CTNNA3: variants seen among roughly 807,000 people sequenced by gnomAD.
The protein encoded by CTNNA3 is catenin alpha-3.
CTNNA3 carries 76 observed loss-of-function variants against 95.7 expected under a neutral mutation model. The observed-to-expected ratio is 0.79, with a 90% CI of 0.66 to 0.96. CTNNA3 has a LOEUF of 0.96. Ranked by LOEUF, CTNNA3 falls within the 40% of genes least tolerant of loss-of-function variation. The probability of loss-of-function intolerance (pLI) is 0.00; values close to 1 mark genes in which losing one functional copy is unlikely to be tolerated. For synonymous variants in CTNNA3, 431 were observed against 374.4 expected (o/e 1.15, Z -1.74); for missense variants, 1,191 against 1,089.8 (o/e 1.09, Z -1.31).
chr10:66,510,898 G>A (rs1422334702), intron 11 of CTNNA3, among the ~76,000 whole-genome samples: 1 of 151,674 alleles, frequency 6.6e-6, no homozygotes, highest in African/African-American at 2.4e-5. Flanking sequence ...GGTAATGCTA[G>A]CTTCACAGAA....
chr10:66,208,690 A>G (rs956195628), intron 13 of CTNNA3, among the ~76,000 whole-genome samples: 1 of 152,182 alleles, frequency 6.6e-6, no homozygotes, highest in Admixed American at 6.6e-5. Context: ...GTGACATTTT[A>G]TGGCCTTCTG....
intron 7 of CTNNA3, among the ~76,000 whole-genome samples, chr10:66,996,785 A>G (rs772069828): frequency 4.0e-5 from 6 of 151,698 alleles, no homozygotes; most frequent in Non-Finnish European, 8.8e-5. Flanking sequence ...CAAAAATATT[A>G]TCTAAAGTAG....
chr10:66,360,348 TA>T (rs2092644684), intron 12 of CTNNA3, among the ~76,000 whole-genome samples: 1 of 152,110 alleles, frequency 6.6e-6, no homozygotes, highest in Admixed American at 6.6e-5. Context: ...ATCATTTGTA[TA>T]TCTTCATTGT....
chr10:66,062,173 A>G (rs1438099009), intron 15 of CTNNA3, among the ~76,000 whole-genome samples: 2 of 152,214 alleles, frequency 1.3e-5, no homozygotes, highest in East Asian at 3.8e-4. Context: ...AAGATACAGT[A>G]CACAGTAAGC....
At chr10:67,535,421 A>G (rs1485179185) in intron 4 of CTNNA3, among the ~76,000 whole-genome samples, 1 of 152,096 alleles carries the variant, frequency 6.6e-6, no homozygotes, top group African/African-American at 2.4e-5. Flanking sequence ...AATTAATAAG[A>G]TAAAGTTCAA....
rs191775483 is a variant in CTNNA3 at position 66,086,940 on chromosome 10, A to G, written c.1977+16217T>C. Among the ~76,000 whole-genome samples, 36 of 152,200 alleles carry G rather than the reference A, an allele frequency of 2.4e-4. No homozygotes were observed. The East Asian group carries it at 7.0e-3, about 29-fold the overall frequency. ...CAGCCCCCAAATCATTTCTTTTCTA[A>G]TAAAAAGCAGCCTGAAAAATCAAGT... On this transcript the variant is annotated intron_variant, in intron 14 of 17. Transcript: ENST00000433211.
chr10:66,139,411 A>G (rs777765376), intron 13 of CTNNA3, among the ~76,000 whole-genome samples: 1 of 152,110 alleles, frequency 6.6e-6, no homozygotes, highest in African/African-American at 2.4e-5. Flanking sequence ...GCTTACAACC[A>G]TGTACTGCCT....
chr10:67,352,634 G>A (rs918707088), intron 5 of CTNNA3, among the ~76,000 whole-genome samples: 1 of 152,002 alleles, frequency 6.6e-6, no homozygotes, highest in African/African-American at 2.4e-5. Context: ...TATGTTAGCA[G>A]TGATCATATC....
At chr10:67,583,244 G>C (rs1232299046) in intron 3 of CTNNA3, among the ~76,000 whole-genome samples, 1 of 152,028 alleles carries the variant, frequency 6.6e-6, no homozygotes, top group Non-Finnish European at 1.5e-5. Flanking sequence ...GCTCTTTTAG[G>C]GCAGGCCTGC....
intron 3 of CTNNA3, among the ~76,000 whole-genome samples, chr10:67,560,245 G>C (rs146526774): frequency 6.7e-6 from 1 of 149,964 alleles, no homozygotes; most frequent in Non-Finnish European, 1.5e-5. Flanking sequence ...GAGAAAGGTC[G>C]GGTTACCCAC....
chr10:66,670,842 A>G (rs1225750592), intron 9 of CTNNA3, among the ~76,000 whole-genome samples: 1 of 152,214 alleles, frequency 6.6e-6, no homozygotes, highest in African/African-American at 2.4e-5. Flanking sequence ...TGCCAACCAG[A>G]AATTGGCAGT....
intron 12 of CTNNA3, among the ~76,000 whole-genome samples, chr10:66,326,780 A>G (rs2092259493): frequency 6.6e-6 from 1 of 152,036 alleles, no homozygotes; most frequent in African/African-American, 2.4e-5. Context: ...AGTCTCTAGT[A>G]TCTTCCTCTT....
intron 15 of CTNNA3, among the ~76,000 whole-genome samples, chr10:66,004,532 C>T (rs1263987815): frequency 6.6e-6 from 1 of 152,078 alleles, no homozygotes; most frequent in African/African-American, 2.4e-5. Context: ...TCCGATGTTC[C>T]CTAGAACCAA....
At chr10:66,160,808 G>C (rs1441628092) in intron 13 of CTNNA3, among the ~76,000 whole-genome samples, 2 of 152,052 alleles carry the variant, frequency 1.3e-5, no homozygotes, top group African/African-American at 2.4e-5. Context: ...ACTGTGTTCT[G>C]TCTATCTCAT....
intron 4 of CTNNA3, among the ~76,000 whole-genome samples, chr10:67,525,085 CAT>C: frequency 6.6e-6 from 1 of 151,966 alleles, no homozygotes; most frequent in South Asian, 2.1e-4. Flanking sequence ...TTTACTTATT[CAT>C]AGTTTTGAGT....
intron 6 of CTNNA3, among the ~76,000 whole-genome samples, chr10:67,206,259 G>A (rs1863897360): frequency 6.6e-6 from 1 of 152,132 alleles, no homozygotes; most frequent in Admixed American, 6.6e-5. Flanking sequence ...TATCTAATGG[G>A]TTGTGTCTCC....
rs1262819235 is a variant in CTNNA3, at chr10:66,197,114, A to G, written c.1884+83356T>C. ...TGTCACCTGACTTTCCAATTTTTCAAAAAGACTATACCTTCATTTTCCCAG... is the reference window on the plus strand; with the variant it reads ...TGTCACCTGACTTTCCAATTTTTCAGAAAGACTATACCTTCATTTTCCCAG... On this transcript the variant is annotated intron_variant, in intron 13 of 17. Coordinates refer to ENST00000433211, the MANE Select transcript of CTNNA3 (RefSeq NM_013266.4). Among the ~76,000 whole-genome samples the G allele has an allele frequency of 4.6e-5, 7 of 152,326 alleles. No homozygotes were observed. The East Asian group carries it at 9.7e-4, about 21-fold the overall frequency.
At chr10:66,385,690 T>G (rs2092884424) in intron 11 of CTNNA3, among the ~76,000 whole-genome samples, 1 of 152,028 alleles carries the variant, frequency 6.6e-6, no homozygotes, top group African/African-American at 2.4e-5. Context: ...TGAAAATCCT[T>G]AGTAAAAAAC....
intron 12 of CTNNA3, among the ~76,000 whole-genome samples, chr10:66,307,508 T>A (rs1004957257): frequency 9.8e-5 from 15 of 152,340 alleles, no homozygotes; most frequent in Admixed American, 9.2e-4. Context: ...GTGGCTCCAG[T>A]CATCTTTAAC....
Sources: gnomAD v4.1 joint callset for allele counts (sites outside exome capture counted in the v4.1 genomes callset) on GRCh38, gnomAD v4.1.1 for gene constraint, MANE v1.5 for transcripts, NCBI Gene and HGNC (gene_info 2026-07-23, HGNC 2026-07-21) for gene names.